The following SDHAF2 variants were observed in gnomAD, a reference collection of about 807,000 sequenced individuals.
SDHAF2 encodes succinate dehydrogenase complex assembly factor 2.
A neutral mutation model predicts 18.5 loss-of-function variants in SDHAF2; 21 were observed. The observed-to-expected ratio is 1.13, with a 90% CI of 0.80 to 1.63. The LOEUF is 1.63. Ranked by LOEUF, SDHAF2 falls within the 40% of genes most tolerant of loss-of-function variation. The pLI, the probability that SDHAF2 is intolerant of heterozygous loss-of-function variation, is 0.00. For missense variants in SDHAF2, 195 were observed against 200.3 expected (o/e 0.97, Z 0.16); for synonymous variants, 84 against 70.7 (o/e 1.19, Z -0.94).
Position 61,437,765 on chromosome 11 carries a change from T to C in SDHAF2, c.177T>C (p.Thr59=). 6.2e-7 allele frequency: 1 copy of C among 1,614,154 alleles called. No homozygotes were observed. The highest frequency in any genetic ancestry group is 8.5e-7 in the Non-Finnish European group (1 of 1,180,022). Residue 59 remains threonine, a synonymous_variant, in exon 2 of 4, where the codon ACT becomes ACC. Transcript: ENST00000301761. ...CTTTGCCTCCATGGCAGGAGAGAAC[T>C]GATGAATCCATAGAAACCAAAAGAG... ...EIPLPPWQER[T]DESIETKRAR... is the part of the protein sequence containing the mutation.
intron 3 of SDHAF2, among the ~76,000 whole-genome samples, chr11:61,445,591 C>T (rs936164072): frequency 5.3e-5 from 8 of 152,136 alleles, no homozygotes; most frequent in East Asian, 3.9e-4. Context: ...CAAGATTGTG[C>T]GGGCCAGGGG....
intron 1 of SDHAF2, among the ~76,000 whole-genome samples, chr11:61,437,176 G>T (rs1248195495): frequency 1.3e-5 from 2 of 152,060 alleles, no homozygotes; most frequent in Non-Finnish European, 2.9e-5. Context: ...TATAAAGTGG[G>T]GACAATATCA....
At chr11:61,430,619 T>C (rs1251083331) in intron 1 of SDHAF2, 2 of 201,982 alleles carry the variant, frequency 9.9e-6, no homozygotes, top group Non-Finnish European at 2.0e-5. Flanking sequence ...CATCGAATAA[T>C]CAAATCAGCG....
chr11:61,440,397 C>T (rs895148031), intron 3 of SDHAF2, among the ~76,000 whole-genome samples: 2 of 152,050 alleles, frequency 1.3e-5, no homozygotes, highest in Admixed American at 6.6e-5. Flanking sequence ...GCCAGGAGAT[C>T]GAGACCTTCC....
intron 3 of SDHAF2, among the ~76,000 whole-genome samples, chr11:61,444,635 CG>C (rs910861419): frequency 3.9e-5 from 6 of 151,958 alleles, no homozygotes; most frequent in African/African-American, 1.2e-4. Flanking sequence ...GCCAGCTACT[CG>C]GGAGGCTGAG....
rs1590765145 is a variant in SDHAF2 at position 61,438,091 on chromosome 11, G to T, written c.348G>T (p.Trp116Cys). Reference protein sequence around the residue: ...DRLINEPSNDWDIYYWATEAK... With the variant: ...DRLINEPSNDCDIYYWATEAK... ...TGATTAACGAGCCTAGTAATGACTGGGATATTTACTACTGGGCCACAGGTA... is the reference window on the plus strand; with the variant it reads ...TGATTAACGAGCCTAGTAATGACTGTGATATTTACTACTGGGCCACAGGTA... The change falls in exon 3 of 4, where the codon TGG becomes TGT. Residue 116 changes from tryptophan to cysteine, a missense_variant. By Grantham distance (215) the Trp-to-Cys change is radical. Transcript: ENST00000301761. 1 of 1,613,244 alleles carries T rather than the reference G, an allele frequency of 6.2e-7. No homozygotes were observed. Among genetic ancestry groups the T allele is most frequent in the South Asian group, 1.1e-5 (1 of 91,064 alleles).
intron 3 of SDHAF2, among the ~76,000 whole-genome samples, chr11:61,438,543 C>A (rs1420924433): frequency 6.6e-6 from 1 of 152,156 alleles, no homozygotes; most frequent in Non-Finnish European, 1.5e-5. Context: ...TCAACCCAAA[C>A]ACTGTTCAAA....
chr11:61,442,815 G>A (rs544824705), intron 3 of SDHAF2, among the ~76,000 whole-genome samples: 12 of 152,272 alleles, frequency 7.9e-5, no homozygotes, highest in Admixed American at 2.0e-4. Context: ...GAGCAGTGGC[G>A]CAATCTTGGC....
intron 1 of SDHAF2, chr11:61,435,047 A>G (rs1412240640): frequency 6.6e-6 from 1 of 150,794 alleles, no homozygotes; most frequent in African/African-American, 2.4e-5. Flanking sequence ...TTTAATTTTT[A>G]TGTATTTTTA....
At chr11:61,444,600 G>A (rs960491788) in intron 3 of SDHAF2, among the ~76,000 whole-genome samples, 1 of 152,084 alleles carries the variant, frequency 6.6e-6, no homozygotes, top group South Asian at 2.1e-4. Flanking sequence ...AAAATCAGCC[G>A]AGCGTGGTGG....
intron 3 of SDHAF2, among the ~76,000 whole-genome samples, chr11:61,441,469 C>G (rs942680551): frequency 6.7e-6 from 1 of 148,700 alleles, no homozygotes; most frequent in Non-Finnish European, 1.5e-5. Context: ...TGCAGTAAGC[C>G]GAGATCATGC....
intron 3 of SDHAF2, among the ~76,000 whole-genome samples, chr11:61,439,610 A>G (rs750059089): frequency 2.6e-5 from 4 of 152,212 alleles, no homozygotes; most frequent in Non-Finnish European, 5.9e-5. Context: ...GCCATTGTCT[A>G]TGGGTTCCAG....
chr11:61,436,666 TGA>T (rs1024083191), intron 1 of SDHAF2: 110 of 371,316 alleles, frequency 3.0e-4, no homozygotes, highest in African/African-American at 2.3e-3. Flanking sequence ...CTATGGCAAA[TGA>T]GTGCTACAAA....
In SDHAF2 at chr11:61,446,372, C is replaced by T. The variant is rs983674664; in HGVS notation, c.*301C>T. 7 of 598,212 alleles carry T rather than the reference C, an allele frequency of 1.2e-5. No individual in the cohort carries two copies. Among genetic ancestry groups the T allele is most frequent in the Admixed American group, 5.9e-5 (2 of 33,664 alleles). 37.1% of individuals were successfully genotyped at this position (598,212 alleles called of 1,614,324 possible). A position where few individuals can be genotyped will look rare whatever the true frequency, so the allele number is the denominator to read the frequency against. ...GTCTGCCACGAGAGGGCACTGCAGG[C>T]GAAGCAGTTGTGCTTGCTCATTGCC... On this transcript the variant is annotated 3_prime_UTR_variant, in exon 4 of 4. Coordinates refer to ENST00000301761, the MANE Select transcript of SDHAF2 (RefSeq NM_017841.4).
At position 61,438,073 on chromosome 11, in the gene SDHAF2, C is replaced by A. The variant is rs779335034; in HGVS notation, c.330C>A (p.Asn110Lys). ...TGAACCTCTATGACCGCCTGATTAACGAGCCTAGTAATGACTGGGATATTT... is the reference window on the plus strand; with the variant it reads ...TGAACCTCTATGACCGCCTGATTAAAGAGCCTAGTAATGACTGGGATATTT... ...KQLNLYDRLI[N>K]EPSNDWDIYY... The change falls in exon 3 of 4, where the codon AAC (asparagine) becomes AAA (lysine). Residue 110 changes from asparagine (N) to lysine (K), a missense_variant. By Grantham distance (94) the Asn-to-Lys change is moderately conservative. Coordinates refer to ENST00000301761, the MANE Select transcript of SDHAF2 (RefSeq NM_017841.4). 32 of 1,613,880 alleles carry A rather than the reference C, an allele frequency of 2.0e-5. No individual in the cohort carries two copies. In the East Asian group the frequency reaches 7.1e-4, roughly 36 times the overall value.
chr11:61,431,323 T>TCCAGTGATAATTTAACACAACTCATACCA (rs1861903706), intron 1 of SDHAF2: 1 of 152,278 alleles, frequency 6.6e-6, no homozygotes, highest in Non-Finnish European at 1.5e-5. Context: ...GCGCCCGGCC[T>TCCAGTGATAATTTAACACAACTCATACCA]GTTGTTTCCC....
intron 2 of SDHAF2, 43 bp from the exon 3 acceptor site, chr11:61,437,961 A>G (rs1288788543): frequency 4.4e-6 from 7 of 1,592,614 alleles, no homozygotes; most frequent in Non-Finnish European, 6.0e-6. Context: ...TATTAGACAC[A>G]GCCTTCTCAA....
At chr11:61,430,698 C>T (rs981669694) in intron 1 of SDHAF2, 1 of 168,106 alleles carries the variant, frequency 5.9e-6, no homozygotes, top group African/African-American at 2.4e-5. Flanking sequence ...AGATCTTTTT[C>T]TAGCATCTTG....
chr11:61,439,580 A>C (rs1056240069), intron 3 of SDHAF2, among the ~76,000 whole-genome samples: 1 of 152,210 alleles, frequency 6.6e-6, no homozygotes, highest in African/African-American at 2.4e-5. Context: ...TCCACTCAAT[A>C]TTTGTATCAG....
Sources: gnomAD v4.1 joint callset for allele counts (sites outside exome capture counted in the v4.1 genomes callset) on GRCh38, gnomAD v4.1.1 for gene constraint, MANE v1.5 for transcripts, NCBI Gene and HGNC (gene_info 2026-07-23, HGNC 2026-07-21) for gene names.